Variants in KALRN observed in about 807,000 individuals in gnomAD.
KALRN encodes kalirin RhoGEF kinase.
KALRN carries 70 observed loss-of-function variants against 353.7 expected under a neutral mutation model. The observed-to-expected ratio is 0.20, with a 90% CI of 0.16 to 0.24. KALRN has a LOEUF of 0.24. Among genes scored for constraint, KALRN ranks in the 10% least tolerant of loss-of-function variants. KALRN has a pLI of 1.00. For synonymous variants in KALRN, 1,391 were observed against 1,434.8 expected (o/e 0.97, Z 0.69); for missense variants, 2,791 against 3,756.7 (o/e 0.74, Z 6.72).
At chr3:124,566,306 G>A (rs987973643) in intron 34 of KALRN, among the ~76,000 whole-genome samples, 1 of 152,110 alleles carries the variant, frequency 6.6e-6, no homozygotes, top group Non-Finnish European at 1.5e-5. Context: ...TTCGAGACCA[G>A]CCTGGGCAAC....
intron 33 of KALRN, among the ~76,000 whole-genome samples, chr3:124,561,931 G>A (rs2072083705): frequency 6.6e-6 from 1 of 152,196 alleles, no homozygotes; most frequent in African/African-American, 2.4e-5. Context: ...AGAAAGGGGG[G>A]AAGTGGGGCC....
chr3:124,572,268 T>G (rs2073610632), intron 34 of KALRN, among the ~76,000 whole-genome samples: 1 of 150,446 alleles, frequency 6.6e-6, no homozygotes, highest in Non-Finnish European at 1.5e-5. Context: ...GAGGTTGCAG[T>G]GAGCCTAGAT....
At chr3:124,189,038 T>C (rs1420969445) in intron 1 of KALRN, among the ~76,000 whole-genome samples, 3 of 152,214 alleles carry the variant, frequency 2.0e-5, no homozygotes, top group African/African-American at 7.2e-5. Flanking sequence ...AGTAAACAAA[T>C]CTGCCCTTTG....
At chr3:124,268,102 T>G (rs1183347007) in intron 4 of KALRN, among the ~76,000 whole-genome samples, 1 of 152,094 alleles carries the variant, frequency 6.6e-6, no homozygotes, top group Non-Finnish European at 1.5e-5. Context: ...GCCTGCATCA[T>G]CATTTGCTGG....
chr3:124,543,739 G>C (rs1479822426), intron 33 of KALRN, among the ~76,000 whole-genome samples: 2 of 151,742 alleles, frequency 1.3e-5, no homozygotes, highest in Non-Finnish European at 2.9e-5. Context: ...GTAATTAGTA[G>C]AAGAGAAATT....
At chr3:124,653,331 A>G (rs558671740) in intron 38 of KALRN, among the ~76,000 whole-genome samples, 3 of 152,344 alleles carry the variant, frequency 2.0e-5, no homozygotes, top group Admixed American at 2.0e-4. Context: ...ACTTGTCTTC[A>G]AGTTTTAGTC....
intron 11 of KALRN, among the ~76,000 whole-genome samples, chr3:124,392,078 T>A (rs2089475149): frequency 6.6e-6 from 1 of 151,672 alleles, no homozygotes; most frequent in South Asian, 2.1e-4. Flanking sequence ...TGAGACAGAG[T>A]CTTGCTCTGT....
intron 5 of KALRN, among the ~76,000 whole-genome samples, chr3:124,286,080 TTC>T (rs2075812093): frequency 9.8e-6 from 1 of 102,428 alleles, no homozygotes; most frequent in African/African-American, 3.7e-5. Flanking sequence ...CTTTCTTTCC[TTC>T]CTTTCTTTCT....
intron 1 of KALRN, among the ~76,000 whole-genome samples, chr3:124,118,939 C>A (rs1458393616): frequency 6.6e-6 from 1 of 152,138 alleles, no homozygotes; most frequent in Non-Finnish European, 1.5e-5. Context: ...GACTGTATGT[C>A]CATGGAGTAG....
intron 1 of KALRN, chr3:124,094,716 C>T: frequency 2.5e-6 from 2 of 791,776 alleles, no homozygotes; most frequent in Non-Finnish European, 2.2e-6. Context: ...TGCAGGCAGG[C>T]ATTTGCTTAG....
intron 1 of KALRN, among the ~76,000 whole-genome samples, chr3:124,226,939 C>G (rs1452875961): frequency 6.6e-6 from 1 of 152,100 alleles, no homozygotes; most frequent in Non-Finnish European, 1.5e-5. Flanking sequence ...TGTGTCATGT[C>G]CCTAATGGCG....
chr3:124,277,306 G>C (rs73188180), intron 5 of KALRN, among the ~76,000 whole-genome samples: 227 of 152,214 alleles, frequency 1.5e-3, no homozygotes, highest in Admixed American at 2.7e-3. Flanking sequence ...TTGGAGAAAG[G>C]CTCCGGTGCC....
chr3:124,393,190 T>C (rs1256086696), intron 11 of KALRN, among the ~76,000 whole-genome samples: 3 of 152,134 alleles, frequency 2.0e-5, no homozygotes, highest in Non-Finnish European at 4.4e-5. Context: ...GGTCTCGAAT[T>C]CCTGACCTCA....
intron 10 of KALRN, among the ~76,000 whole-genome samples, chr3:124,369,023 A>C (rs372505921): frequency 1.3e-5 from 2 of 151,928 alleles, no homozygotes; most frequent in East Asian, 1.9e-4. Flanking sequence ...TCGGCTCCGC[A>C]TGAGAGGGAG....
intron 34 of KALRN, among the ~76,000 whole-genome samples, chr3:124,609,900 C>T (rs2077742261): frequency 7.3e-6 from 1 of 137,224 alleles, no homozygotes; most frequent in East Asian, 2.2e-4. Flanking sequence ...AGAACTGGAA[C>T]TCAAATCCCA....
At chr3:124,403,197 G>C (rs1247213771) in intron 13 of KALRN, among the ~76,000 whole-genome samples, 2 of 152,164 alleles carry the variant, frequency 1.3e-5, no homozygotes. Flanking sequence ...GTCAGAGTGA[G>C]ACTCCAGCAC....
chr3:124,137,920 A>T (rs559510210), intron 1 of KALRN, among the ~76,000 whole-genome samples: 1 of 152,176 alleles, frequency 6.6e-6, no homozygotes, highest in Admixed American at 6.5e-5. Context: ...TGGATGCTTG[A>T]CCCTAAGAAT....
At chr3:124,549,071 T>C (rs925807515) in intron 33 of KALRN, among the ~76,000 whole-genome samples, 7 of 152,308 alleles carry the variant, frequency 4.6e-5, no homozygotes, top group African/African-American at 1.7e-4. Flanking sequence ...AACTGAAGCT[T>C]AGAAAGAGAA....
chr3:124,123,365 T>G (rs2064261003), intron 1 of KALRN, among the ~76,000 whole-genome samples: 1 of 152,226 alleles, frequency 6.6e-6, no homozygotes, highest in Non-Finnish European at 1.5e-5. Context: ...TCTAGCGATC[T>G]GGATAGAAGA....
Sources: gnomAD v4.1 joint callset for allele counts (sites outside exome capture counted in the v4.1 genomes callset) on GRCh38, gnomAD v4.1.1 for gene constraint, MANE v1.5 for transcripts, NCBI Gene and HGNC (gene_info 2026-07-23, HGNC 2026-07-21) for gene names.